Variants in PLPP1 observed in about 807,000 individuals in gnomAD.
PLPP1 encodes the protein phospholipid phosphatase 1.
PLPP1 carries 24 observed loss-of-function variants against 31.2 expected under a neutral mutation model. The observed-to-expected ratio is 0.77, with a 90% CI of 0.56 to 1.08. The LOEUF (loss-of-function observed/expected upper bound fraction) is 1.08, where lower values mean the gene tolerates loss of function less well. PLPP1 is among the 50% of genes least tolerant of loss of function. The pLI, the probability that PLPP1 is intolerant of heterozygous loss-of-function variation, is 0.00. For synonymous variants in PLPP1, 146 were observed against 126.3 expected, an observed-to-expected ratio of 1.16 and a Z score of -1.05; for missense variants, 319 against 342.7, an observed-to-expected ratio of 0.93 and a Z score of 0.55.
chr5:55,509,007 T>C (rs1753347158), intron 1 of PLPP1: 1 of 152,912 alleles, frequency 6.5e-6, no homozygotes, highest in Non-Finnish European at 1.5e-5. Flanking sequence ...GAATTAGAAC[T>C]GAATTTAAAA....
chr5:55,502,486 C>CA (rs112915753), intron 1 of PLPP1, among the ~76,000 whole-genome samples: 1,348 of 100,900 alleles, frequency 0.013, 16 homozygotes, highest in African/African-American at 0.045. Flanking sequence ...GACTCCGTCT[C>CA]AAAAAAAAAA....
At chr5:55,441,353 C>A (rs1244180612) in intron 4 of PLPP1, among the ~76,000 whole-genome samples, 1 of 152,214 alleles carries the variant, frequency 6.6e-6, no homozygotes, top group Non-Finnish European at 1.5e-5. Context: ...AACTGCCTTT[C>A]CCAGCAGTTG....
At chr5:55,502,492 A>T (rs553728139) in intron 1 of PLPP1, among the ~76,000 whole-genome samples, 1 of 152,306 alleles carries the variant, frequency 6.6e-6, no homozygotes, top group South Asian at 2.1e-4. Context: ...GTCTCAAAAA[A>T]AAAAAAAAAA....
intron 1 of PLPP1, among the ~76,000 whole-genome samples, chr5:55,529,748 C>T (rs545172938): frequency 2.6e-4 from 29 of 111,704 alleles, no homozygotes; most frequent in African/African-American, 8.6e-4. Context: ...TAATAACTGG[C>T]TCAGATTTGT....
chr5:55,482,720 A>G (rs1752696629), intron 1 of PLPP1, among the ~76,000 whole-genome samples: 1 of 152,206 alleles, frequency 6.6e-6, no homozygotes, highest in Admixed American at 6.5e-5. Context: ...CTCCTCTGCT[A>G]TGCAGGGTAA....
At chr5:55,447,953 G>A (rs1406522417) in intron 3 of PLPP1, among the ~76,000 whole-genome samples, 2 of 152,148 alleles carry the variant, frequency 1.3e-5, no homozygotes, top group African/African-American at 4.8e-5. Flanking sequence ...TTTCTCAAAT[G>A]TTATTTCCTG....
At chr5:55,505,496 A>C (rs183817792) in intron 1 of PLPP1, among the ~76,000 whole-genome samples, 5 of 152,272 alleles carry the variant, frequency 3.3e-5, no homozygotes, top group Admixed American at 2.0e-4. Flanking sequence ...GAAAAATGAA[A>C]ACATTTATTG....
chr5:55,489,410 C>G (rs1219584835), intron 1 of PLPP1, among the ~76,000 whole-genome samples: 2 of 152,108 alleles, frequency 1.3e-5, no homozygotes, highest in Non-Finnish European at 2.9e-5. Context: ...CACAGTTTCT[C>G]CTAAGCTGAA....
At chr5:55,487,480 T>C (rs570907127) in intron 1 of PLPP1, among the ~76,000 whole-genome samples, 17 of 151,002 alleles carry the variant, frequency 1.1e-4, no homozygotes, top group African/African-American at 4.1e-4. Flanking sequence ...AAATCTATAG[T>C]TTTCTGAATA....
chr5:55,505,783 G>T (rs1486985350), intron 1 of PLPP1, among the ~76,000 whole-genome samples: 1 of 152,182 alleles, frequency 6.6e-6, no homozygotes, highest in Non-Finnish European at 1.5e-5. Flanking sequence ...ACTGGCTGGT[G>T]CAGTGGCTCA....
intron 1 of PLPP1, among the ~76,000 whole-genome samples, chr5:55,512,479 A>AGAAAG (rs1422549377): frequency 2.4e-5 from 1 of 42,222 alleles, no homozygotes; most frequent in African/African-American, 6.6e-5. Context: ...AAAAAAAAAA[A>AGAAAG]AAAAGAAAGA....
chr5:55,514,426 A>C (rs1295713083), intron 1 of PLPP1, among the ~76,000 whole-genome samples: 1 of 152,226 alleles, frequency 6.6e-6, no homozygotes, highest in Non-Finnish European at 1.5e-5. Context: ...AATAAAATCC[A>C]GACCTGACAC....
intron 4 of PLPP1, among the ~76,000 whole-genome samples, chr5:55,441,573 G>T (rs1579924906): frequency 6.6e-6 from 1 of 152,352 alleles, no homozygotes; most frequent in Middle Eastern, 3.4e-3. Context: ...CAGTTAGGGA[G>T]GAGGTTAACA....
intron 1 of PLPP1, among the ~76,000 whole-genome samples, chr5:55,498,431 C>T (rs980372685): frequency 6.6e-6 from 1 of 152,118 alleles, no homozygotes. Context: ...CACACACACA[C>T]ACACACACCT....
intron 3 of PLPP1, among the ~76,000 whole-genome samples, chr5:55,444,432 A>G (rs1466958178): frequency 6.6e-6 from 1 of 152,070 alleles, no homozygotes; most frequent in Non-Finnish European, 1.5e-5. Context: ...GTTTAAGACT[A>G]TGGCCCTGGC....
At chr5:55,480,866 G>A (rs952552042) in intron 1 of PLPP1, among the ~76,000 whole-genome samples, 1 of 152,134 alleles carries the variant, frequency 6.6e-6, no homozygotes, top group Non-Finnish European at 1.5e-5. Flanking sequence ...TTGCCAAACT[G>A]TTTTCCAAAG....
chr5:55,485,440 C>T (rs1044227765), intron 1 of PLPP1, among the ~76,000 whole-genome samples: 3 of 152,108 alleles, frequency 2.0e-5, no homozygotes, highest in African/African-American at 7.2e-5. Flanking sequence ...GTTTGATTTA[C>T]TGTGAAATCT....
At chr5:55,522,196 A>C (rs1753684134) in intron 1 of PLPP1, among the ~76,000 whole-genome samples, 1 of 152,214 alleles carries the variant, frequency 6.6e-6, no homozygotes, top group African/African-American at 2.4e-5. Context: ...GATTCATCTA[A>C]AACACAGGGA....
intron 3 of PLPP1, among the ~76,000 whole-genome samples, chr5:55,444,130 G>A (rs534863520): frequency 1.3e-3 from 197 of 149,614 alleles, no homozygotes; most frequent in Non-Finnish European, 1.9e-3. Context: ...TGCCCAGACT[G>A]GAGTGCAGTG....
Sources: allele counts gnomAD v4.1 joint callset (sites outside exome capture counted in the v4.1 genomes callset), GRCh38; gene constraint gnomAD v4.1.1; transcripts MANE v1.5; gene names NCBI Gene and HGNC (gene_info 2026-07-23, HGNC 2026-07-21).